Variants in SLC25A36 observed in about 807,000 individuals in gnomAD.
SLC25A36 encodes solute carrier family 25 member 36.
SLC25A36 carries 24 observed loss-of-function variants against 35.3 expected under a neutral mutation model. That is an observed-to-expected ratio of 0.68 (90% CI 0.49 to 0.96). The LOEUF is 0.96. Among genes scored for constraint, SLC25A36 ranks in the 40% least tolerant of loss-of-function variants. SLC25A36 has a pLI of 0.00. For missense variants in SLC25A36, 294 were observed against 381.1 expected (o/e 0.77, Z 1.90); for synonymous variants, 141 against 132.2 (o/e 1.07, Z -0.46).
intron 1 of SLC25A36, among the ~76,000 whole-genome samples, chr3:140,948,214 C>T (rs1231934021): frequency 6.6e-6 from 1 of 152,248 alleles, no homozygotes; most frequent in Non-Finnish European, 1.5e-5. Flanking sequence ...CTTGGCCTCC[C>T]AAAGTGCTGG....
chr3:140,980,444 T>G lies in SLC25A36; in HGVS notation c.*3991T>G, dbSNP rs1048922453. 6.6e-6 allele frequency among the ~76,000 whole-genome samples: 1 copy of G among 151,976 alleles called. No individual in the cohort carries two copies. Among genetic ancestry groups the G allele is most frequent in the Non-Finnish European group, 1.5e-5 (1 of 68,018 alleles). On this transcript the variant is annotated 3_prime_UTR_variant, in exon 7 of 7. Coordinates refer to ENST00000324194, the MANE Select transcript of SLC25A36 (RefSeq NM_001104647.3). ...TTGAGGAAACCAGGACGAAATATAT[T>G]TTGTATTTCAACATTGACATAAATC...
rs184639447 is a variant in SLC25A36 at position 140,976,321 on chromosome 3, A to G, written c.804A>G (p.Leu268=). 705 of 1,613,594 alleles carry G rather than the reference A, an allele frequency of 4.4e-4. 1 individual carries two copies. Among genetic ancestry groups the G allele is most frequent in the South Asian group, 1.7e-3 (156 of 91,014 alleles). Residue 268 remains leucine (L), a synonymous_variant, in exon 7 of 7, where the codon CTA becomes CTG. Coordinates refer to ENST00000324194, the MANE Select transcript of SLC25A36 (RefSeq NM_001104647.3). ...AATACAGATCTTTTTTTCAGACTCT[A>G]TCTTTGCTTGTTCAAGAAGAAGGTT... The part of the protein sequence containing the change: ...GTKYRSFFQT[L]SLLVQEEGYG...
In SLC25A36 at chr3:140,953,431, A is replaced by G. The variant is rs187036785; in HGVS notation, c.42-3096A>G. ...GTTAAATTTTTTCAACTGCCTATTTAAAGCTATGAGTGGAATTTTTTTGAA... is the reference window on the plus strand; with the variant it reads ...GTTAAATTTTTTCAACTGCCTATTTGAAGCTATGAGTGGAATTTTTTTGAA... On this transcript the variant is annotated intron_variant, in intron 1 of 6. Transcript: ENST00000324194. 2.0e-3 allele frequency among the ~76,000 whole-genome samples: 307 copies of G among 150,708 alleles called. 2 individuals are homozygous for G. Among genetic ancestry groups the G allele is most frequent in the African/African-American group, 7.3e-3 (299 of 40,826 alleles).
At chr3:140,959,075 G>A (rs1385116998) in intron 2 of SLC25A36, among the ~76,000 whole-genome samples, 22 of 149,214 alleles carry the variant, frequency 1.5e-4, no homozygotes, top group African/African-American at 4.9e-4. Flanking sequence ...GAGTGCAGTG[G>A]CGCAATCTTG....
At chr3:140,954,367 T>C (rs1410931156) in intron 1 of SLC25A36, among the ~76,000 whole-genome samples, 1 of 152,196 alleles carries the variant, frequency 6.6e-6, no homozygotes. Flanking sequence ...GAACAAGTCT[T>C]TCTGTGGACA....
At chr3:140,965,030 C>T (rs906360581) in intron 4 of SLC25A36, 1 of 151,858 alleles carries the variant, frequency 6.6e-6, no homozygotes, top group Non-Finnish European at 1.5e-5. Context: ...CAATCTCATA[C>T]TTGTTCAGAG....
In SLC25A36 at chr3:140,959,507, T is replaced by A; in HGVS notation, c.251T>A (p.Leu84Gln). 6.6e-7 allele frequency: 1 copy of A among 1,505,884 alleles called. No homozygotes were observed. Among genetic ancestry groups the A allele is most frequent in the Non-Finnish European group, 8.8e-7 (1 of 1,138,156 alleles). 93.3% of individuals were successfully genotyped at this position (1,505,884 alleles called of 1,614,324 possible). ...GGGCCTCGTTCCTTGTTTAGAGGAC[T>A]AGGCCCCAATTTAGTGGGGGTAGCC... Reference protein sequence around the residue: ...KEGPRSLFRGLGPNLVGVAPS... With the variant: ...KEGPRSLFRGQGPNLVGVAPS... The change falls in exon 3 of 7, where the codon CTA becomes CAA. Residue 84 changes from leucine to glutamine, a missense_variant. By Grantham distance (113) the Leu-to-Gln change is moderately radical. Transcript: ENST00000324194.
chr3:140,947,938 T>G (rs541488603), intron 1 of SLC25A36, among the ~76,000 whole-genome samples: 2 of 151,190 alleles, frequency 1.3e-5, no homozygotes, highest in Admixed American at 1.3e-4. Flanking sequence ...TCAGGGAGAG[T>G]CTACGTGGTT....
chr3:140,948,832 C>CT (rs1283699420), intron 1 of SLC25A36, among the ~76,000 whole-genome samples: 1 of 152,176 alleles, frequency 6.6e-6, no homozygotes, highest in East Asian at 1.9e-4. Context: ...CAGCTTAGGA[C>CT]TATCCAGTCA....
Position 140,973,716 on chromosome 3 carries a change from G to A in SLC25A36, c.453G>A (p.Arg151=), listed in dbSNP as rs755671542. The A allele has an allele frequency of 1.4e-6, 2 of 1,443,684 alleles. No individual in the cohort carries two copies. Among genetic ancestry groups the A allele is most frequent in the South Asian group, 1.7e-5 (1 of 57,464 alleles). 89.4% of individuals were successfully genotyped at this position (1,443,684 alleles called of 1,614,324 possible). The change falls in exon 6 of 7, where the codon AGG becomes AGA. Residue 151 remains arginine, a splice_region_variant and synonymous_variant. Transcript: ENST00000324194. ...TAAGATGTTTCTTTTTGCTTTTCAG[G>A]AACCGCGGGGAAAGGCGAATGGGTG... ...LIKTRLQLDA[R]NRGERRMGAF...
intron 1 of SLC25A36, among the ~76,000 whole-genome samples, chr3:140,943,893 GT>G (rs1220144847): frequency 6.6e-6 from 1 of 152,054 alleles, no homozygotes; most frequent in Admixed American, 6.6e-5. Flanking sequence ...AGGTTTTCTG[GT>G]TTAAGAACAG....
chr3:140,959,585 T>G, intron 3 of SLC25A36, 45 bp downstream of exon 3: 1 of 965,444 alleles, frequency 1.0e-6, no homozygotes, highest in Non-Finnish European at 1.5e-6. Context: ...TGGCAATCTC[T>G]TTTGTTTCAG....
Position 140,970,989 on chromosome 3 carries a change from G to A in SLC25A36, c.448G>A (p.Ala150Thr), listed in dbSNP as rs1168484594. The A allele has an allele frequency of 7.1e-6, 10 of 1,400,900 alleles. No individual in the cohort carries two copies. The highest frequency in any genetic ancestry group is 1.0e-5 in the Non-Finnish European group (10 of 988,058). The allele number at this position is 1,400,900 out of a possible 1,614,324, so 86.8% of individuals were successfully genotyped here. Residue 150 changes from alanine to threonine, a missense_variant, in exon 5 of 7, where the codon GCA becomes ACA. Physicochemically the swap from Ala to Thr is moderately conservative, Grantham distance 58. Transcript: ENST00000324194. ...TATAAAGACTCGGTTACAGCTTGAT[G>A]CAAGGTATGTTAATTCCTTAAAATA... ...WLIKTRLQLD[A>T]RNRGERRMGA...
rs187310100 is a variant in SLC25A36, at chr3:140,971,603, T to G, written c.452+610T>G. On this transcript the variant is annotated intron_variant, in intron 5 of 6. Transcript: ENST00000324194. ...AAGGTTTTTTGAACCCATTTTAAGC[T>G]GAGGAACCAATCGGTGCAAACCTCA... Among the ~76,000 whole-genome samples, 3 of 152,314 alleles carry G rather than the reference T, an allele frequency of 2.0e-5. No individual in the cohort carries two copies. In the East Asian group the frequency reaches 5.8e-4, roughly 29 times the overall value.
chr3:140,946,133 T>G (rs1934157500), intron 1 of SLC25A36, among the ~76,000 whole-genome samples: 1 of 152,202 alleles, frequency 6.6e-6, no homozygotes, highest in African/African-American at 2.4e-5. Context: ...AGGGACTGTC[T>G]TGTCTAGTAA....
chr3:140,970,996 A>G lies in SLC25A36; in HGVS notation c.452+3A>G. On this transcript the variant is annotated splice_donor_region_variant and intron_variant, in intron 5 of 6. Transcript: ENST00000324194. Reference sequence around the variant, plus strand: ...ACTCGGTTACAGCTTGATGCAAGGTATGTTAATTCCTTAAAATAAAATTGG... The same window carrying G: ...ACTCGGTTACAGCTTGATGCAAGGTGTGTTAATTCCTTAAAATAAAATTGG... 2 of 1,337,276 alleles carry G rather than the reference A, an allele frequency of 1.5e-6. No individual in the cohort carries two copies. The highest frequency in any genetic ancestry group is 2.3e-5 in the East Asian group (1 of 43,324). 82.8% of individuals were successfully genotyped at this position (1,337,276 alleles called of 1,614,324 possible). A position where few individuals can be genotyped will look rare whatever the true frequency, so the allele number is the denominator to read the frequency against.
Position 140,976,530 on chromosome 3 carries a change from G to A in SLC25A36, c.*77G>A. 7.8e-7 allele frequency: 1 copy of A among 1,277,886 alleles called. No homozygotes were observed. The highest frequency in any genetic ancestry group is 1.1e-6 in the Non-Finnish European group (1 of 942,760). The allele number at this position is 1,277,886 out of a possible 1,614,324, so 79.2% of individuals were successfully genotyped here. A position where few individuals can be genotyped will look rare whatever the true frequency, so the allele number is the denominator to read the frequency against. ...GACCATGGGATACAGAAGCCAGCAT[G>A]GCAGACAGAAGAAAAATAGTTTGGG... On this transcript the variant is annotated 3_prime_UTR_variant, in exon 7 of 7. Transcript: ENST00000324194.
At chr3:140,957,790 T>C (rs1576481161) in intron 2 of SLC25A36, among the ~76,000 whole-genome samples, 3 of 152,170 alleles carry the variant, frequency 2.0e-5, no homozygotes, top group South Asian at 4.1e-4. Flanking sequence ...TGATTTGTAA[T>C]AGGAAAAGTA....
At position 140,978,594 on chromosome 3, in the gene SLC25A36, T is replaced by C. The variant is rs1055724290; in HGVS notation, c.*2141T>C. 3 of 152,226 alleles carry C rather than the reference T, an allele frequency of 2.0e-5. No individual in the cohort carries two copies. The highest frequency in any genetic ancestry group is 6.5e-5 in the Admixed American group (1 of 15,280). The allele number at this position is 152,226 out of a possible 1,614,324, so 9.4% of individuals were successfully genotyped here. On this transcript the variant is annotated 3_prime_UTR_variant, in exon 7 of 7. Coordinates refer to ENST00000324194, the MANE Select transcript of SLC25A36 (RefSeq NM_001104647.3). ...CAAGTGTCCTTCAAGGATAAACATA[T>C]ATTCTCTATTTGTATTTAGCAAGTA...
Sources: gnomAD v4.1 joint callset for allele counts (sites outside exome capture counted in the v4.1 genomes callset) on GRCh38, gnomAD v4.1.1 for gene constraint, MANE v1.5 for transcripts, NCBI Gene and HGNC (gene_info 2026-07-23, HGNC 2026-07-21) for gene names.